Variants in TPD52 observed in about 807,000 individuals in gnomAD.
The protein encoded by TPD52 is prostate and colon associated protein.
Under a neutral mutation model 31.3 loss-of-function variants are expected in TPD52, and 17 were observed. That is an observed-to-expected ratio of 0.54 (90% CI 0.37 to 0.82). The LOEUF is 0.82. Ranked by LOEUF, TPD52 falls within the 40% of genes least tolerant of loss-of-function variation. TPD52 has a pLI of 0.00. For synonymous variants in TPD52, 83 were observed against 89.6 expected (o/e 0.93, Z 0.42); for missense variants, 212 against 240.1 (o/e 0.88, Z 0.77).
At chr8:80,055,242 T>C (rs1226054005) in intron 2 of TPD52, among the ~76,000 whole-genome samples, 2 of 152,224 alleles carry the variant, frequency 1.3e-5, no homozygotes, top group Non-Finnish European at 2.9e-5. Context: ...TTCTGAACAA[T>C]GCACAACACA....
chr8:80,040,008 A>C (rs1295862835), intron 7 of TPD52, among the ~76,000 whole-genome samples: 7 of 152,172 alleles, frequency 4.6e-5, no homozygotes, highest in Middle Eastern at 3.4e-3. Context: ...CTGGTGCCTA[A>C]TACTGATTGA....
intron 1 of TPD52, among the ~76,000 whole-genome samples, chr8:80,116,258 A>T (rs75942151): frequency 0.027 from 4,181 of 152,288 alleles, 186 homozygotes; most frequent in African/African-American, 0.094. Flanking sequence ...AATTTTTACA[A>T]AAAGATCTCT....
Position 80,038,236 on chromosome 8 carries a change from C to T in TPD52, c.505-1G>A, listed in dbSNP as rs1586121540. On this transcript the variant is annotated splice_acceptor_variant, in intron 7 of 7. Transcript: ENST00000518937. LOFTEE classifies it high-confidence loss of function. The stretch of plus-strand genomic sequence containing the variant: ...CAGGCTTGGTTCCCCCTACTTTAGA[C>T]TTAAAAAAAAGTTCAAAAAAGGGAA... The T allele has an allele frequency of 6.2e-7, 1 of 1,612,366 alleles. No individual in the cohort carries two copies. Among genetic ancestry groups the T allele is most frequent in the South Asian group, 1.1e-5 (1 of 90,942 alleles).
intron 2 of TPD52, among the ~76,000 whole-genome samples, chr8:80,059,954 G>A (rs544762465): frequency 1.6e-3 from 236 of 151,894 alleles, no homozygotes; most frequent in African/African-American, 5.2e-3. Context: ...GGTGGTGCAC[G>A]CCTGTAGTCC....
chr8:80,109,890 C>G (rs1187442199), intron 1 of TPD52, among the ~76,000 whole-genome samples: 1 of 152,196 alleles, frequency 6.6e-6, no homozygotes, highest in African/African-American at 2.4e-5. Context: ...TCCCACTTTT[C>G]TGACTTGGAA....
chr8:80,102,901 CACAA>C (rs561373632), intron 1 of TPD52, among the ~76,000 whole-genome samples: 2 of 152,074 alleles, frequency 1.3e-5, no homozygotes, highest in Admixed American at 6.6e-5. Context: ...ATAAAGTTTC[CACAA>C]ACAAACAACA....
In TPD52 at chr8:80,035,983, A is replaced by G. The variant is rs1809878608; in HGVS notation, c.*2133T>C. On this transcript the variant is annotated 3_prime_UTR_variant, in exon 8 of 8. Coordinates refer to ENST00000518937, the MANE Select transcript of TPD52 (RefSeq NM_001025253.3). ...TAAATTCATGTTTTTTTCTAAATCC[A>G]TCCTCACTCTTTTTAATACTTCTTT... is the stretch of plus-strand genomic sequence containing the variant. The G allele has an allele frequency of 6.6e-6, 1 of 152,142 alleles. No homozygotes were observed. The allele number at this position is 152,142 out of a possible 1,614,324, so 9.4% of individuals were successfully genotyped here. A position where few individuals can be genotyped will look rare whatever the true frequency, so the allele number is the denominator to read the frequency against.
At chr8:80,090,420 C>T (rs1012708784) in intron 1 of TPD52, among the ~76,000 whole-genome samples, 5 of 147,018 alleles carry the variant, frequency 3.4e-5, no homozygotes, top group Admixed American at 1.4e-4. Flanking sequence ...GCAAAGAAGA[C>T]AATGCAGAAG....
intron 1 of TPD52, chr8:80,080,713 A>T (rs1305616282): frequency 1.7e-6 from 2 of 1,145,824 alleles, no homozygotes; most frequent in Non-Finnish European, 2.1e-6. Flanking sequence ...CCTGGTGTTA[A>T]TTTCGATCAA....
intron 1 of TPD52, among the ~76,000 whole-genome samples, chr8:80,065,228 C>T (rs1563588720): frequency 6.7e-6 from 1 of 150,120 alleles, no homozygotes; most frequent in East Asian, 1.9e-4. Context: ...TTCAAGCCAT[C>T]ATATATATAT....
intron 5 of TPD52, 186 bp downstream of exon 5, chr8:80,050,259 A>T: frequency 2.3e-6 from 1 of 438,398 alleles, no homozygotes. Flanking sequence ...TTAATTTATC[A>T]ACTACCCATG....
intron 1 of TPD52, among the ~76,000 whole-genome samples, chr8:80,141,893 G>T (rs760840068): frequency 6.6e-6 from 1 of 151,728 alleles, no homozygotes; most frequent in Non-Finnish European, 1.5e-5. Context: ...CTGGGCGACA[G>T]AGCCAGACTC....
chr8:80,157,271 T>TAAAAA (rs34910647), intron 1 of TPD52, among the ~76,000 whole-genome samples: 1 of 145,012 alleles, frequency 6.9e-6, no homozygotes. Flanking sequence ...TCTTGAAGGC[T>TAAAAA]AAAAAAAAAA....
intron 1 of TPD52, among the ~76,000 whole-genome samples, chr8:80,087,705 G>C (rs78844285): frequency 2.2e-4 from 34 of 152,180 alleles, no homozygotes; most frequent in African/African-American, 7.9e-4. Context: ...AGCAGCAGTT[G>C]GTTTACCTTC....
intron 1 of TPD52, among the ~76,000 whole-genome samples, chr8:80,117,026 T>C (rs1026539119): frequency 2.0e-5 from 3 of 152,182 alleles, no homozygotes; most frequent in African/African-American, 4.8e-5. Context: ...AGGGTGTCTA[T>C]GGAAAACCGC....
At chr8:80,084,107 A>G (rs183419860) in intron 1 of TPD52, among the ~76,000 whole-genome samples, 4 of 152,124 alleles carry the variant, frequency 2.6e-5, no homozygotes, top group East Asian at 1.9e-4. Context: ...GACCCACTCT[A>G]TTGTTACTAT....
intron 1 of TPD52, among the ~76,000 whole-genome samples, chr8:80,117,713 A>G (rs1225267776): frequency 1.3e-5 from 2 of 149,054 alleles, no homozygotes; most frequent in Non-Finnish European, 3.0e-5. Flanking sequence ...TAGAGGACTC[A>G]TGCTTTCTTT....
At chr8:80,151,565 C>T (rs1396357042) in intron 1 of TPD52, among the ~76,000 whole-genome samples, 1 of 152,120 alleles carries the variant, frequency 6.6e-6, no homozygotes, top group African/African-American at 2.4e-5. Context: ...AGCAGTAGAT[C>T]CCCAAAAAAA....
rs2130690843 is a variant in TPD52, at chr8:80,064,702, C to T, written c.20-109G>A. 9 of 775,364 alleles carry T rather than the reference C, an allele frequency of 1.2e-5. No homozygotes were observed. In the South Asian group the frequency reaches 1.3e-4, roughly 11 times the overall value. 48.0% of individuals were successfully genotyped at this position (775,364 alleles called of 1,614,324 possible). A position where few individuals can be genotyped will look rare whatever the true frequency, so the allele number is the denominator to read the frequency against. On this transcript the variant is annotated intron_variant, in intron 1 of 7. Coordinates refer to ENST00000518937, the MANE Select transcript of TPD52 (RefSeq NM_001025253.3). ...TAAAGCCAATTAGAGTAGATCCACA[C>T]ATCTCATCTCTGGATATTCAAATGA...
Sources: gnomAD v4.1 joint callset for allele counts (sites outside exome capture counted in the v4.1 genomes callset) on GRCh38, gnomAD v4.1.1 for gene constraint, MANE v1.5 for transcripts, NCBI Gene and HGNC (gene_info 2026-07-23, HGNC 2026-07-21) for gene names.